The following BDKRB1 variants were observed in gnomAD, a reference collection of about 807,000 sequenced individuals.
The protein encoded by BDKRB1 is bradykinin receptor B1.
For synonymous variants in BDKRB1, 192 were observed against 189.1 expected (o/e 1.02, Z -0.13); for missense variants, 414 against 441.4 (o/e 0.94, Z 0.56).
At position 96,264,138 on chromosome 14, in the gene BDKRB1, G is replaced by T; in HGVS notation, c.456G>T (p.Arg152Ser). ...PMASRRQQRRRQARVTCVLIW... is the reference protein window; with the variant it reads ...PMASRRQQRRSQARVTCVLIW... ...CCAGCCGGAGGCAGCAGCGGCGGAG[G>T]CAGGCCCGGGTCACCTGCGTGCTCA... Residue 152 changes from arginine to serine, a missense_variant, in exon 3 of 3, where the codon AGG becomes AGT. Transcript: ENST00000216629. 5 of 1,595,658 alleles carry T rather than the reference G, an allele frequency of 3.1e-6. No homozygotes were observed. The highest frequency in any genetic ancestry group is 4.3e-6 in the Non-Finnish European group (5 of 1,170,342).
rs781224046 is a variant in BDKRB1, at chr14:96,264,661, T to C, written c.979T>C (p.Tyr327His). 8 of 1,614,196 alleles carry C rather than the reference T, an allele frequency of 5.0e-6. No homozygotes were observed. Among genetic ancestry groups the C allele is most frequent in the Admixed American group, 1.7e-5 (1 of 60,030 alleles). Residue 327 changes from tyrosine (Y) to histidine (H), a missense_variant, in exon 3 of 3, where the codon TAT becomes CAT. Transcript: ENST00000216629. The part of the protein sequence containing the change: ...RLFRTKVWEL[Y>H]KQCTPKSLAP... Reference sequence around the variant, plus strand: ...CTTCAGGACCAAGGTCTGGGAACTTTATAAACAATGCACCCCTAAAAGTCT... The same window carrying C: ...CTTCAGGACCAAGGTCTGGGAACTTCATAAACAATGCACCCCTAAAAGTCT...
intron 2 of BDKRB1, among the ~76,000 whole-genome samples, 200 bp from the exon 3 acceptor site, chr14:96,263,473 G>C (rs538461642): frequency 6.6e-6 from 1 of 152,296 alleles, no homozygotes; most frequent in South Asian, 2.1e-4. Flanking sequence ...AATATCTTCA[G>C]CTTTGCAAGC....
At chr14:96,262,904 A>G in intron 2 of BDKRB1, 134 bp downstream of exon 2, 1 of 335,798 alleles carries the variant, frequency 3.0e-6, no homozygotes, top group Non-Finnish European at 5.8e-6. Context: ...CTGAGATTAC[A>G]GGTGTGAACC....
At chr14:96,257,817 C>T (rs1378444938) in intron 1 of BDKRB1, among the ~76,000 whole-genome samples, 1 of 151,390 alleles carries the variant, frequency 6.6e-6, no homozygotes, top group Middle Eastern at 3.2e-3. Context: ...ATTATTTCCC[C>T]CAAAAATTAG....
chr14:96,256,891 A>G (rs1885629090), intron 1 of BDKRB1, among the ~76,000 whole-genome samples: 1 of 152,238 alleles, frequency 6.6e-6, no homozygotes, highest in Non-Finnish European at 1.5e-5. Context: ...CTAGGTTAAA[A>G]TGTGCAGAAT....
At chr14:96,258,646 G>T (rs1041102670) in intron 1 of BDKRB1, among the ~76,000 whole-genome samples, 1 of 152,066 alleles carries the variant, frequency 6.6e-6, no homozygotes, top group African/African-American at 2.4e-5. Flanking sequence ...TCAGCCTCCT[G>T]TGTAGCTGGG....
At chr14:96,256,687 A>G (rs778910884) in intron 1 of BDKRB1, among the ~76,000 whole-genome samples, 19 of 152,240 alleles carry the variant, frequency 1.2e-4, no homozygotes, top group Non-Finnish European at 5.9e-5. Context: ...GGGATGGCTT[A>G]CAAGATTTCA....
Position 96,264,026 on chromosome 14 carries a change from G to T in BDKRB1, c.344G>T (p.Gly115Val). The T allele has an allele frequency of 3.7e-6, 6 of 1,614,076 alleles. No individual in the cohort carries two copies. Among genetic ancestry groups the T allele is most frequent in the Non-Finnish European group, 5.1e-6 (6 of 1,179,986 alleles). ...FGALLCRVIN[G>V]VIKANLFISI... Reference sequence around the variant, plus strand: ...GCCCTCCTCTGCCGTGTCATCAACGGGGTCATCAAGGCCAATTTGTTCATC... The same window carrying T: ...GCCCTCCTCTGCCGTGTCATCAACGTGGTCATCAAGGCCAATTTGTTCATC... The change falls in exon 3 of 3, where the codon GGG becomes GTG. Residue 115 changes from glycine (G) to valine (V), a missense_variant. Gly to Val is a moderately radical substitution (Grantham distance 109). Transcript: ENST00000216629.
At position 96,264,554 on chromosome 14, in the gene BDKRB1, A is replaced by T; in HGVS notation, c.872A>T (p.Asp291Val). The T allele has an allele frequency of 6.2e-7, 1 of 1,614,084 alleles. No homozygotes were observed. Among genetic ancestry groups the T allele is most frequent in the Non-Finnish European group, 8.5e-7 (1 of 1,180,026 alleles). ...VRGCFWEDFI[D>V]LGLQLANFFA... ...GGCTGCTTTTGGGAGGACTTCATTG[A>T]CCTGGGCCTGCAATTGGCCAACTTC... The change falls in exon 3 of 3, where the codon GAC becomes GTC. Residue 291 changes from aspartate (D) to valine (V), a missense_variant. By Grantham distance (152) the Asp-to-Val change is radical. Coordinates refer to ENST00000216629, the MANE Select transcript of BDKRB1 (RefSeq NM_000710.4).
intron 1 of BDKRB1, 45 bp from the exon 2 acceptor site, chr14:96,262,606 CT>C (rs34474132): frequency 8.4e-3 from 2,608 of 308,792 alleles, no homozygotes; most frequent in South Asian, 0.011. Context: ...TCTCTCTCTC[CT>C]TTTTTTTTTT....
intron 1 of BDKRB1, among the ~76,000 whole-genome samples, chr14:96,258,622 G>A (rs1885671470): frequency 6.6e-6 from 1 of 152,204 alleles, no homozygotes; most frequent in African/African-American, 2.4e-5. Flanking sequence ...CCAGGTTCAA[G>A]CAATTCTCCT....
Position 96,263,776 on chromosome 14 carries a change from G to T in BDKRB1, c.94G>T (p.Ala32Ser), listed in dbSNP as rs1173905392. 6.2e-7 allele frequency: 1 copy of T among 1,614,212 alleles called. No homozygotes were observed. Among genetic ancestry groups the T allele is most frequent in the East Asian group, 2.2e-5 (1 of 44,890 alleles). ...NATACDNAPE[A>S]WDLLHRVLPT... ...TACGGCCTGTGACAATGCTCCAGAAGCCTGGGACCTGCTGCACAGAGTGCT... is the reference window on the plus strand; with the variant it reads ...TACGGCCTGTGACAATGCTCCAGAATCCTGGGACCTGCTGCACAGAGTGCT... The change falls in exon 3 of 3, where the codon GCC becomes TCC. Residue 32 changes from alanine (A) to serine (S), a missense_variant. Ala to Ser is a moderately conservative substitution (Grantham distance 99). Transcript: ENST00000216629.
chr14:96,264,510 C>A lies in BDKRB1; in HGVS notation c.828C>A (p.Phe276Leu). The A allele has an allele frequency of 6.2e-7, 1 of 1,614,160 alleles. No homozygotes were observed. The highest frequency in any genetic ancestry group is 8.5e-7 in the Non-Finnish European group (1 of 1,180,032). ...YHFFAFLEFL[F>L]QVQAVRGCFW... Reference sequence around the variant, plus strand: ...TCTTTGCCTTCCTGGAATTCTTATTCCAGGTGCAAGCAGTCCGAGGCTGCT... The same window carrying A: ...TCTTTGCCTTCCTGGAATTCTTATTACAGGTGCAAGCAGTCCGAGGCTGCT... The change falls in exon 3 of 3, where the codon TTC becomes TTA. Residue 276 changes from phenylalanine to leucine, a missense_variant. Coordinates refer to ENST00000216629, the MANE Select transcript of BDKRB1 (RefSeq NM_000710.4).
chr14:96,260,447 C>T (rs1885720818), intron 1 of BDKRB1, among the ~76,000 whole-genome samples: 1 of 152,224 alleles, frequency 6.6e-6, no homozygotes, highest in South Asian at 2.1e-4. Context: ...TCTATGCAAG[C>T]TATCTGCTCA....
At chr14:96,262,374 C>T (rs1885772034) in intron 1 of BDKRB1, among the ~76,000 whole-genome samples, 1 of 152,186 alleles carries the variant, frequency 6.6e-6, no homozygotes, top group Admixed American at 6.5e-5. Context: ...TGACCTCAGA[C>T]AGGCGACTCC....
rs150072592 is a variant in BDKRB1, at chr14:96,263,601, G to A, written c.-10-72G>A. 45 of 1,454,074 alleles carry A rather than the reference G, an allele frequency of 3.1e-5. 1 individual carries two copies. The African/African-American group carries it at 4.6e-4, about 15-fold the overall frequency. 90.1% of individuals were successfully genotyped at this position (1,454,074 alleles called of 1,614,324 possible). A position where few individuals can be genotyped will look rare whatever the true frequency, so the allele number is the denominator to read the frequency against. The stretch of plus-strand genomic sequence containing the variant: ...ATAAAACTTTATTGTCCAAAAACAG[G>A]TGACAGGTTGGTTTGGCTCATAGGC... On this transcript the variant is annotated intron_variant, in intron 2 of 2. Transcript: ENST00000216629.
At chr14:96,259,797 G>A (rs1310224377) in intron 1 of BDKRB1, 2 of 152,196 alleles carry the variant, frequency 1.3e-5, no homozygotes, top group Non-Finnish European at 2.9e-5. Context: ...GGATACTGGT[G>A]TTGAGCTGGC....
In BDKRB1 at chr14:96,263,656, C is replaced by T. The variant is rs1282991658; in HGVS notation, c.-10-17C>T. On this transcript the variant is annotated splice_polypyrimidine_tract_variant and intron_variant, in intron 2 of 2. Transcript: ENST00000216629. Reference sequence around the variant, plus strand: ...GTCTGCCACTTCCTGTTTTATTCTACCTTCTGTTCATTTCAGGTCACTGTG... The same window carrying T: ...GTCTGCCACTTCCTGTTTTATTCTATCTTCTGTTCATTTCAGGTCACTGTG... 1 of 1,584,764 alleles carries T rather than the reference C, an allele frequency of 6.3e-7. No individual in the cohort carries two copies. The highest frequency in any genetic ancestry group is 1.2e-5 in the South Asian group (1 of 85,754).
intron 1 of BDKRB1, 127 bp from the exon 2 acceptor site, chr14:96,262,525 C>A: frequency 2.6e-6 from 1 of 388,190 alleles, no homozygotes; most frequent in Admixed American, 3.3e-5. Context: ...ACCATTAATA[C>A]CATCTAACAG....
Sources: gnomAD v4.1 joint callset for allele counts (sites outside exome capture counted in the v4.1 genomes callset) on GRCh38, gnomAD v4.1.1 for gene constraint, MANE v1.5 for transcripts, NCBI Gene and HGNC (gene_info 2026-07-23, HGNC 2026-07-21) for gene names.